Variants in GFOD2 observed in about 807,000 individuals in gnomAD.
The protein encoded by GFOD2 is Gfo/Idh/MocA-like oxidoreductase domain containing 2.
Under a neutral mutation model 24.6 loss-of-function variants are expected in GFOD2, and 9 were observed. That is an observed-to-expected ratio of 0.37 (90% CI 0.22 to 0.64). The LOEUF (loss-of-function observed/expected upper bound fraction) is 0.64, where lower values mean the gene tolerates loss of function less well. Among genes scored for constraint, GFOD2 ranks in the 30% least tolerant of loss-of-function variants. The probability of loss-of-function intolerance (pLI) is 0.65; values close to 1 mark genes in which losing one functional copy is unlikely to be tolerated. For synonymous variants in GFOD2, 211 were observed against 224.8 expected (o/e 0.94, Z 0.55); for missense variants, 476 against 532.5 (o/e 0.89, Z 1.04).
At position 67,676,001 on chromosome 16, in the gene GFOD2, G is replaced by T; in HGVS notation, c.312C>A (p.Phe104Leu). Residue 104 changes from phenylalanine (F) to leucine (L), a missense_variant, in exon 3 of 3, where the codon TTC (phenylalanine) becomes TTA (leucine). Phe to Leu is a conservative substitution (Grantham distance 22, BLOSUM62 0). Coordinates refer to ENST00000268797, the MANE Select transcript of GFOD2 (RefSeq NM_030819.4). ...AGTAGCGCGAGGCTGTCACCATCCG[G>T]AAGGCATCCACCGATGTTGCTGCCT... ...CEKAATSVDA[F>L]RMVTASRYYP... 6.2e-7 allele frequency: 1 copy of T among 1,614,092 alleles called. No individual in the cohort carries two copies. The highest frequency in any genetic ancestry group is 8.5e-7 in the Non-Finnish European group (1 of 1,179,984).
chr16:67,715,749 A>G (rs1183095405), intron 1 of GFOD2, among the ~76,000 whole-genome samples: 2 of 151,684 alleles, frequency 1.3e-5, no homozygotes, highest in Non-Finnish European at 2.9e-5. Flanking sequence ...AAAATCTCCA[A>G]TTCCATTCTT....
chr16:67,681,069 G>A, intron 2 of GFOD2: 7 of 985,416 alleles, frequency 7.1e-6, no homozygotes, highest in Non-Finnish European at 8.4e-6. Flanking sequence ...CCACACTTGT[G>A]GGCCTTCCAG....
chr16:67,710,498 G>A (rs887359889), intron 1 of GFOD2, among the ~76,000 whole-genome samples: 2 of 152,082 alleles, frequency 1.3e-5, no homozygotes, highest in African/African-American at 4.8e-5. Context: ...CCGAGTAGCT[G>A]GACTACAGGC....
At chr16:67,676,739 G>C (rs966354512) in intron 2 of GFOD2, 1 of 152,286 alleles carries the variant, frequency 6.6e-6, no homozygotes, top group Non-Finnish European at 1.5e-5. Context: ...GGAAGGGAAG[G>C]AAGTGAGAAT....
intron 1 of GFOD2, among the ~76,000 whole-genome samples, chr16:67,701,916 T>C (rs1471166621): frequency 1.3e-5 from 2 of 152,084 alleles, no homozygotes; most frequent in Non-Finnish European, 2.9e-5. Context: ...GATTTGTGAA[T>C]TGTTTTTTCC....
chr16:67,687,620 G>A (rs112430678), intron 1 of GFOD2, among the ~76,000 whole-genome samples: 4,030 of 120,890 alleles, frequency 0.033, 97 homozygotes, highest in Middle Eastern at 0.2. Context: ...CAGCCTGGGC[G>A]ACAGAGCAAG....
At chr16:67,677,189 G>C (rs1435924970) in intron 2 of GFOD2, 1 of 152,018 alleles carries the variant, frequency 6.6e-6, no homozygotes, top group African/African-American at 2.4e-5. Flanking sequence ...CTTGATACAT[G>C]ATCTGTGCAC....
intron 1 of GFOD2, among the ~76,000 whole-genome samples, chr16:67,713,384 T>TCC (rs1258428660): frequency 1.3e-5 from 2 of 152,094 alleles, no homozygotes; most frequent in Non-Finnish European, 2.9e-5. Context: ...CCTGCTGGTG[T>TCC]CCTTCAATTC....
At chr16:67,691,519 A>C (rs531688924) in intron 1 of GFOD2, among the ~76,000 whole-genome samples, 4,766 of 118,300 alleles carry the variant, frequency 0.04, 321 homozygotes, top group African/African-American at 0.16. Context: ...CCCCCCCCCA[A>C]AAAAAAAAAA....
At chr16:67,717,887 C>A (rs953805449) in intron 1 of GFOD2, among the ~76,000 whole-genome samples, 45 of 152,180 alleles carry the variant, frequency 3.0e-4, no homozygotes, top group African/African-American at 1.1e-3. Flanking sequence ...TAACCTCTCA[C>A]AACAGAATCT....
intron 2 of GFOD2, chr16:67,683,183 A>C: frequency 2.0e-6 from 2 of 1,000,016 alleles, no homozygotes; most frequent in Non-Finnish European, 2.4e-6. Flanking sequence ...CTGAGAATTC[A>C]GTTTCTAACA....
chr16:67,685,254 G>T, intron 2 of GFOD2: 1 of 1,431,706 alleles, frequency 7.0e-7, no homozygotes. Flanking sequence ...TTCTGTTCAG[G>T]GATTTACAGA....
chr16:67,682,045 C>CTT, intron 2 of GFOD2: 5 of 255,250 alleles, frequency 2.0e-5, no homozygotes, highest in Non-Finnish European at 3.0e-5. Context: ...CTTTTCTTTT[C>CTT]TTTTTTTTTT....
Position 67,685,481 on chromosome 16 carries a change from G to T in GFOD2, c.235C>A (p.Arg79=). 6.2e-7 allele frequency: 1 copy of T among 1,614,146 alleles called. No homozygotes were observed. Among genetic ancestry groups the T allele is most frequent in the Non-Finnish European group, 8.5e-7 (1 of 1,180,034 alleles). Residue 79 remains arginine (R), a synonymous_variant, in exon 2 of 3, where the codon CGG becomes AGG. Transcript: ENST00000268797. ...VCISIPPPLT[R]QISVKALGIG... is the part of the protein sequence containing the mutation. ...CCTAGAGCCTTCACGGATATCTGCCGGGTGAGTGGAGGGGGGATGCTGATG... is the reference window on the plus strand; with the variant it reads ...CCTAGAGCCTTCACGGATATCTGCCTGGTGAGTGGAGGGGGGATGCTGATG...
chr16:67,679,131 C>T (rs181295551), intron 2 of GFOD2, among the ~76,000 whole-genome samples: 38 of 152,194 alleles, frequency 2.5e-4, no homozygotes, highest in African/African-American at 4.6e-4. Flanking sequence ...CAAGCCACTG[C>T]GCTCCAGCAT....
intron 1 of GFOD2, among the ~76,000 whole-genome samples, chr16:67,693,716 T>C (rs1391434693): frequency 6.6e-6 from 1 of 152,140 alleles, no homozygotes; most frequent in Non-Finnish European, 1.5e-5. Flanking sequence ...CATCATTCCA[T>C]ACTGAAACTC....
At chr16:67,700,429 C>T (rs1017041239) in intron 1 of GFOD2, among the ~76,000 whole-genome samples, 2 of 151,868 alleles carry the variant, frequency 1.3e-5, no homozygotes, top group Non-Finnish European at 2.9e-5. Flanking sequence ...TATAACTTAC[C>T]GTATCAGTAG....
chr16:67,702,589 AGGATTTTTTTTTTTTTTTTTTTTT>A (rs2053410398), intron 1 of GFOD2, among the ~76,000 whole-genome samples: 1 of 146,156 alleles, frequency 6.8e-6, no homozygotes, highest in Non-Finnish European at 1.5e-5. Flanking sequence ...GAAGGTAGCC[AGGATTTTTTTTTTTTTTTTTTTTT>A]TTTTGAGATG....
intron 1 of GFOD2, among the ~76,000 whole-genome samples, chr16:67,692,240 A>G (rs192458963): frequency 6.6e-6 from 1 of 151,758 alleles, no homozygotes; most frequent in East Asian, 1.9e-4. Flanking sequence ...AAAAAAAAAA[A>G]AAAAAGAAAA....
Sources: gnomAD v4.1 joint callset for allele counts (sites outside exome capture counted in the v4.1 genomes callset) on GRCh38, gnomAD v4.1.1 for gene constraint, MANE v1.5 for transcripts, NCBI Gene and HGNC (gene_info 2026-07-23, HGNC 2026-07-21) for gene names.